LEPR: variants seen among roughly 807,000 people sequenced by gnomAD.
LEPR encodes OB receptor.
Under a neutral mutation model 114.7 loss-of-function variants are expected in LEPR, and 56 were observed. That is an observed-to-expected ratio of 0.49 (90% CI 0.39 to 0.61). The LOEUF is 0.61. Among genes scored for constraint, LEPR ranks in the 20% least tolerant of loss-of-function variants. The pLI, the probability that LEPR is intolerant of heterozygous loss-of-function variation, is 0.00. For synonymous variants in LEPR, 443 were observed against 461.4 expected (o/e 0.96, Z 0.51); for missense variants, 1,202 against 1,352.9 (o/e 0.89, Z 1.75).
intron 2 of LEPR, among the ~76,000 whole-genome samples, chr1:65,445,332 G>T (rs562809514): frequency 3.3e-4 from 50 of 152,284 alleles, no homozygotes; most frequent in African/African-American, 1.0e-3. Flanking sequence ...AATTAAGGTA[G>T]GTTTGTTAGT....
intron 3 of LEPR, among the ~76,000 whole-genome samples, 188 bp downstream of exon 3, chr1:65,565,793 A>C (rs1653696840): frequency 6.6e-6 from 1 of 151,904 alleles, no homozygotes; most frequent in Admixed American, 6.6e-5. Flanking sequence ...AACCCTTCCC[A>C]ACCTCCTAAA....
At chr1:65,504,493 C>T (rs1027885701) in intron 2 of LEPR, among the ~76,000 whole-genome samples, 3 of 152,186 alleles carry the variant, frequency 2.0e-5, no homozygotes, top group African/African-American at 7.2e-5. Flanking sequence ...CTGTGGTCTT[C>T]CTCTGCATGT....
chr1:65,519,650 A>C (rs1260980469), intron 2 of LEPR, among the ~76,000 whole-genome samples: 1 of 151,952 alleles, frequency 6.6e-6, no homozygotes, highest in Non-Finnish European at 1.5e-5. Context: ...TTTTAGTAGA[A>C]ATATGGATTC....
intron 8 of LEPR, 123 bp downstream of exon 8, chr1:65,598,927 C>T: frequency 6.9e-7 from 1 of 1,451,220 alleles, no homozygotes; most frequent in Non-Finnish European, 9.4e-7. Flanking sequence ...GTATCAACTT[C>T]CTTGTTTAAA....
intron 2 of LEPR, among the ~76,000 whole-genome samples, chr1:65,546,613 T>G (rs145442052): frequency 0.04 from 6,111 of 152,282 alleles, 160 homozygotes; most frequent in Middle Eastern, 0.082. Context: ...TCTGTTTGTC[T>G]GTTATTGGTG....
At chr1:65,464,273 T>C (rs1173880250) in intron 2 of LEPR, among the ~76,000 whole-genome samples, 1 of 152,236 alleles carries the variant, frequency 6.6e-6, no homozygotes, top group Non-Finnish European at 1.5e-5. Flanking sequence ...TCTGCATCTA[T>C]TGAGATAATC....
rs535608568 is a variant in LEPR at position 65,636,797 on chromosome 1, T to C, written c.3280T>C (p.Leu1094=). ...CAAAAAGAGAGAGAGTGGTGTGCTT[T>C]TGACTGACAAGTCAAGGGTATCGTG... The part of the protein sequence containing the change: ...SIKKRESGVL[L]TDKSRVSCPF... The change falls in exon 20 of 20, where the codon TTG becomes CTG. Residue 1094 remains leucine (L), a synonymous_variant. Transcript: ENST00000349533. 26 of 1,614,062 alleles carry C rather than the reference T, an allele frequency of 1.6e-5. No individual in the cohort carries two copies. The highest frequency in any genetic ancestry group is 6.7e-5 in the Admixed American group (4 of 59,964).
intron 5 of LEPR, among the ~76,000 whole-genome samples, chr1:65,581,628 T>C (rs1654996874): frequency 6.6e-6 from 1 of 152,158 alleles, no homozygotes; most frequent in Non-Finnish European, 1.5e-5. Context: ...CTCTGTCTTC[T>C]CTTTGATCTT....
At chr1:65,572,936 TG>T (rs1293355946) in intron 5 of LEPR, among the ~76,000 whole-genome samples, 1 of 152,142 alleles carries the variant, frequency 6.6e-6, no homozygotes, top group Non-Finnish European at 1.5e-5. Context: ...GGCTCTCTCT[TG>T]CCTTCAGGGT....
chr1:65,572,851 A>C (rs1218343580), intron 5 of LEPR, among the ~76,000 whole-genome samples: 1 of 152,194 alleles, frequency 6.6e-6, no homozygotes, highest in African/African-American at 2.4e-5. Context: ...CAGCTCTCTT[A>C]GCAGCAGCTT....
At chr1:65,525,838 C>T in intron 2 of LEPR, 1 of 985,138 alleles carries the variant, frequency 1.0e-6, no homozygotes, top group Non-Finnish European at 1.2e-6. Flanking sequence ...GCTTCCCTCT[C>T]CGACACCCCC....
intron 2 of LEPR, among the ~76,000 whole-genome samples, chr1:65,447,524 TTTTTC>T (rs1646728218): frequency 8.9e-6 from 1 of 112,956 alleles, no homozygotes; most frequent in African/African-American, 2.8e-5. Flanking sequence ...GGTATTGTGA[TTTTTC>T]TTTTCTTTTT....
At chr1:65,518,625 G>A (rs1649404989) in intron 2 of LEPR, among the ~76,000 whole-genome samples, 1 of 152,084 alleles carries the variant, frequency 6.6e-6, no homozygotes, top group Admixed American at 6.5e-5. Context: ...CTTACTATAA[G>A]CAGCGAGAAA....
chr1:65,531,951 A>G (rs894791670), intron 2 of LEPR, among the ~76,000 whole-genome samples: 5 of 152,196 alleles, frequency 3.3e-5, no homozygotes, highest in Admixed American at 2.6e-4. Context: ...TTTATTAGAT[A>G]ATGAATGCCA....
At chr1:65,593,237 A>T (rs1045372719) in intron 6 of LEPR, among the ~76,000 whole-genome samples, 2 of 152,046 alleles carry the variant, frequency 1.3e-5, no homozygotes, top group African/African-American at 4.8e-5. Flanking sequence ...TTTGTCAGAG[A>T]CTGCTCCAGG....
chr1:65,489,564 G>C (rs912958929), intron 2 of LEPR, among the ~76,000 whole-genome samples: 7 of 152,004 alleles, frequency 4.6e-5, no homozygotes, highest in Non-Finnish European at 1.5e-5. Flanking sequence ...CCCATTCTGT[G>C]GGTTGTCACT....
chr1:65,425,632 A>T (rs1176878253), intron 2 of LEPR, among the ~76,000 whole-genome samples: 1 of 123,914 alleles, frequency 8.1e-6, no homozygotes. Context: ...ATGAAGAGAG[A>T]GTCCTGTCCT....
intron 2 of LEPR, among the ~76,000 whole-genome samples, chr1:65,482,841 A>C (rs927400503): frequency 6.6e-6 from 1 of 152,096 alleles, no homozygotes; most frequent in Non-Finnish European, 1.5e-5. Flanking sequence ...CAAAAAAATT[A>C]GCCAGGCGTG....
chr1:65,633,393 T>A lies in LEPR; in HGVS notation c.2674-2798T>A. ...TTTGAGTCCAGTTTGGATGTGTGATTAATTTTCAAATCATCTAAAGTTTAA... is the reference window on the plus strand; with the variant it reads ...TTTGAGTCCAGTTTGGATGTGTGATAAATTTTCAAATCATCTAAAGTTTAA... On this transcript the variant is annotated intron_variant, in intron 19 of 19. Transcript: ENST00000349533. This position sits in a 1 kb window ranked among gnomAD's most constrained non-coding sequence, Gnocchi z 4.1. 7.5e-7 allele frequency: 1 copy of A among 1,330,366 alleles called. No individual in the cohort carries two copies. Among genetic ancestry groups the A allele is most frequent in the Non-Finnish European group, 9.6e-7 (1 of 1,042,656 alleles). The allele number at this position is 1,330,366 out of a possible 1,614,324, so 82.4% of individuals were successfully genotyped here.
Sources: gnomAD v4.1 joint callset for allele counts (sites outside exome capture counted in the v4.1 genomes callset) on GRCh38, gnomAD v4.1.1 for gene constraint, Gnocchi (gnomAD v3.1) non-coding constraint, MANE v1.5 for transcripts, NCBI Gene and HGNC (gene_info 2026-07-23, HGNC 2026-07-21) for gene names.